Variants in TBC1D16 observed in about 807,000 individuals in gnomAD.
TBC1D16 encodes TBC1 domain family member 16, also known as CTD-2529O21.1.
TBC1D16 carries 58 observed loss-of-function variants against 74.7 expected under a neutral mutation model. The ratio of observed to expected loss-of-function variants is 0.78; its 90% CI spans 0.63 to 0.97. TBC1D16 has a LOEUF of 0.97. Among genes scored for constraint, TBC1D16 ranks in the 50% least tolerant of loss-of-function variants. TBC1D16 has a pLI of 0.00. For missense variants in TBC1D16, 1,014 were observed against 1,079.5 expected (o/e 0.94, Z 0.85); for synonymous variants, 493 against 474.7 (o/e 1.04, Z -0.50).
At position 80,035,780 on chromosome 17, in the gene TBC1D16, G is replaced by C. The variant is rs2036983890; in HGVS notation, c.-63+15C>G. On this transcript the variant is annotated intron_variant, in intron 1 of 11. Coordinates refer to ENST00000310924, the MANE Select transcript of TBC1D16 (RefSeq NM_019020.4). This position sits in a 1 kb window ranked among gnomAD's most constrained non-coding sequence, Gnocchi z 5.3. ...GACCCCGCCCCCGCGGCCCCGTCCG[G>C]GCCCCGATACCCACCCGGGTCCCGC... is the stretch of plus-strand genomic sequence containing the variant. The C allele has an allele frequency of 1.4e-5, 2 of 146,562 alleles. No individual in the cohort carries two copies. Among genetic ancestry groups the C allele is most frequent in the Non-Finnish European group, 3.0e-5 (2 of 65,820 alleles). The allele number at this position is 146,562 out of a possible 1,614,324, so 9.1% of individuals were successfully genotyped here.
At chr17:79,953,771 CTTTTTTT>C (rs1193505262) in intron 3 of TBC1D16, among the ~76,000 whole-genome samples, 1 of 149,450 alleles carries the variant, frequency 6.7e-6, no homozygotes, top group Non-Finnish European at 1.5e-5. Context: ...TTTCTTTTTT[CTTTTTTT>C]TTTCTTTTTT....
Position 79,941,172 on chromosome 17 carries a change from G to C in TBC1D16, c.2056-65C>G. ...CAGCCTGGCAGCCTAGGGTCCCCAT[G>C]GGAGTGGCCAAAGACAGCAACAGCA... On this transcript the variant is annotated intron_variant, in intron 11 of 11. Transcript: ENST00000310924. The surrounding 1 kb of genome is among the most constrained non-coding windows in gnomAD (Gnocchi z 4.3). The C allele has an allele frequency of 6.8e-7, 1 of 1,469,736 alleles. No homozygotes were observed. Among genetic ancestry groups the C allele is most frequent in the Non-Finnish European group, 9.1e-7 (1 of 1,093,464 alleles). 91.0% of individuals were successfully genotyped at this position (1,469,736 alleles called of 1,614,324 possible).
In TBC1D16 at chr17:80,018,343, GCA is replaced by G. The variant is rs1189911573; in HGVS notation, c.-62-4736_-62-4735del. On this transcript the variant is annotated intron_variant, in intron 1 of 11. Coordinates refer to ENST00000310924, the MANE Select transcript of TBC1D16 (RefSeq NM_019020.4). The stretch of plus-strand genomic sequence containing the variant: ...GTAGCCCAGGCTGGAGTGCAACGGT[GCA>G]ATCTCGGCTCACTGCAAGCTCCGCC... Among the ~76,000 whole-genome samples the G allele has an allele frequency of 3.0e-4, 45 of 149,096 alleles. 5 individuals carry two copies. The highest frequency in any genetic ancestry group is 1.0e-3 in the African/African-American group (39 of 38,800).
chr17:79,950,318 C>T lies in TBC1D16; in HGVS notation c.1257+93G>A, dbSNP rs2032942979. On this transcript the variant is annotated intron_variant, in intron 6 of 11. Transcript: ENST00000310924. This position sits in a 1 kb window ranked among gnomAD's most constrained non-coding sequence, Gnocchi z 4.6. Reference sequence around the variant, plus strand: ...CGAGGAGGTGGCCCGTGGGTGCGGGCGGGCGGCCAGGCCCCGGCCCTCCTT... The same window carrying T: ...CGAGGAGGTGGCCCGTGGGTGCGGGTGGGCGGCCAGGCCCCGGCCCTCCTT... The T allele has an allele frequency of 5.7e-6, 8 of 1,413,436 alleles. No homozygotes were observed. Among genetic ancestry groups the T allele is most frequent in the Non-Finnish European group, 7.5e-6 (8 of 1,072,988 alleles). The allele number at this position is 1,413,436 out of a possible 1,614,324, so 87.6% of individuals were successfully genotyped here. A position where few individuals can be genotyped will look rare whatever the true frequency, so the allele number is the denominator to read the frequency against.
Position 79,944,957 on chromosome 17 carries a change from G to C in TBC1D16, c.1859C>G (p.Pro620Arg), listed in dbSNP as rs915393141. ...WLLLCFKREF[P>R]EAEALRIWEA... ...CCAGATCCGCAGCGCTTCGGCCTCG[G>C]GGAACTCCCGCTTGAAGCACAGAAG... is the stretch of plus-strand genomic sequence containing the variant. Residue 620 changes from proline to arginine, a missense_variant, in exon 10 of 12, where the codon CCC becomes CGC. Pro to Arg is a moderately radical substitution (Grantham distance 103). Coordinates refer to ENST00000310924, the MANE Select transcript of TBC1D16 (RefSeq NM_019020.4). This position sits in a 1 kb window ranked among gnomAD's most constrained non-coding sequence, Gnocchi z 7.7. 1.9e-6 allele frequency: 3 copies of C among 1,556,554 alleles called. No homozygotes were observed. Among genetic ancestry groups the C allele is most frequent in the African/African-American group, 2.7e-5 (2 of 73,674 alleles).
intron 3 of TBC1D16, among the ~76,000 whole-genome samples, chr17:79,968,901 A>ATAGTTGC (rs2033958014): frequency 6.6e-6 from 1 of 151,924 alleles, no homozygotes. Flanking sequence ...TGGGAGGAAA[A>ATAGTTGC]TAGTTGCAAA....
rs866470089 is a variant in TBC1D16, at chr17:80,023,664, C to T, written c.-62-10055G>A. Among the ~76,000 whole-genome samples, 172 of 141,222 alleles carry T rather than the reference C, an allele frequency of 1.2e-3. 20 individuals carry two copies. Among genetic ancestry groups the T allele is most frequent in the African/African-American group, 4.0e-3 (143 of 35,504 alleles). The allele number at this position is 141,222 out of a possible 152,430, so 92.6% of individuals were successfully genotyped here. A position where few individuals can be genotyped will look rare whatever the true frequency, so the allele number is the denominator to read the frequency against. The stretch of plus-strand genomic sequence containing the variant: ...AGCGAGAACTGCTGCCGGGCCCCCC[C>T]CCACCGGCTCAGGGCGTGGCTGGGG... On this transcript the variant is annotated intron_variant, in intron 1 of 11. Transcript: ENST00000310924.
At chr17:80,031,677 A>G (rs1186957715) in intron 1 of TBC1D16, among the ~76,000 whole-genome samples, 2 of 152,144 alleles carry the variant, frequency 1.3e-5, no homozygotes, top group Non-Finnish European at 2.9e-5. Flanking sequence ...GTAAAATCCC[A>G]TTTCCCCCGC....
At chr17:79,966,324 G>A (rs1446856898) in intron 3 of TBC1D16, among the ~76,000 whole-genome samples, 5 of 152,232 alleles carry the variant, frequency 3.3e-5, no homozygotes, top group Middle Eastern at 3.4e-3. Context: ...AAGTAAGATT[G>A]CAATCTGAGG....
chr17:79,969,941 C>CAAAGAAAAGA (rs552490205), intron 3 of TBC1D16, among the ~76,000 whole-genome samples: 14 of 152,022 alleles, frequency 9.2e-5, no homozygotes, highest in South Asian at 6.2e-4. Flanking sequence ...GACTCCATCT[C>CAAAGAAAAGA]AAAGAAAAGA....
intron 3 of TBC1D16, among the ~76,000 whole-genome samples, chr17:79,960,699 G>C (rs561548204): frequency 1.3e-4 from 18 of 142,426 alleles, no homozygotes; most frequent in Non-Finnish European, 2.4e-4. Context: ...AGGTTGCAGT[G>C]AGCCAACATC....
chr17:79,976,085 G>GCCTTACTAA (rs1167869311), intron 3 of TBC1D16, among the ~76,000 whole-genome samples: 1 of 152,218 alleles, frequency 6.6e-6, no homozygotes, highest in Non-Finnish European at 1.5e-5. Flanking sequence ...TGTGACCTCG[G>GCCTTACTAA]CCTTACTAAC....
At position 79,942,830 on chromosome 17, in the gene TBC1D16, C is replaced by T. The variant is rs570153213; in HGVS notation, c.1909-624G>A. The stretch of plus-strand genomic sequence containing the variant: ...AGGGTGGCTGAAATGATCGCCCTGT[C>T]CTTGAGCCTCTTTTCGGGCATACTT... On this transcript the variant is annotated intron_variant, in intron 10 of 11. Coordinates refer to ENST00000310924, the MANE Select transcript of TBC1D16 (RefSeq NM_019020.4). 2.3e-4 allele frequency among the ~76,000 whole-genome samples: 35 copies of T among 152,334 alleles called. No homozygotes were observed. The South Asian group carries it at 7.3e-3, about 32-fold the overall frequency.
intron 4 of TBC1D16, chr17:79,951,998 G>A (rs1005624286): frequency 6.0e-4 from 97 of 161,874 alleles, no homozygotes; most frequent in Middle Eastern, 3.0e-3. Flanking sequence ...CCTTCGTTGC[G>A]TGTGGGTGGA....
chr17:79,941,478 C>T lies in TBC1D16; in HGVS notation c.2056-371G>A, dbSNP rs2031978152. The stretch of plus-strand genomic sequence containing the variant: ...GCAGCACCCCTCTCTTCTTCCCCCG[C>T]ACCTTGCTCCACCCCCCACCCCCAG... On this transcript the variant is annotated intron_variant, in intron 11 of 11. Coordinates refer to ENST00000310924, the MANE Select transcript of TBC1D16 (RefSeq NM_019020.4). This position sits in a 1 kb window ranked among gnomAD's most constrained non-coding sequence, Gnocchi z 4.3. Among the ~76,000 whole-genome samples, 1 of 152,152 alleles carries T rather than the reference C, an allele frequency of 6.6e-6. No individual in the cohort carries two copies. The highest frequency in any genetic ancestry group is 1.5e-5 in the Non-Finnish European group (1 of 68,016).
Position 79,981,648 on chromosome 17 carries a change from C to T in TBC1D16, c.779+28512G>A, listed in dbSNP as rs2034586387. On this transcript the variant is annotated intron_variant, in intron 3 of 11. Coordinates refer to ENST00000310924, the MANE Select transcript of TBC1D16 (RefSeq NM_019020.4). The surrounding 1 kb of genome is among the most constrained non-coding windows in gnomAD (Gnocchi z 6.9). Reference sequence around the variant, plus strand: ...CGTTTTCCAAAGCGGGGAGGCCAAACCTCCAAAGCTGGGAGGGCTACAGTC... The same window carrying T: ...CGTTTTCCAAAGCGGGGAGGCCAAATCTCCAAAGCTGGGAGGGCTACAGTC... Among the ~76,000 whole-genome samples the T allele has an allele frequency of 6.6e-6, 1 of 152,280 alleles. No individual in the cohort carries two copies. The highest frequency in any genetic ancestry group is 1.5e-5 in the Non-Finnish European group (1 of 68,048).
intron 10 of TBC1D16, 141 bp from the exon 11 acceptor site, chr17:79,942,347 G>A (rs2032097391): frequency 4.4e-6 from 4 of 906,778 alleles, no homozygotes; most frequent in South Asian, 3.5e-5. Context: ...GGGCCGTGTG[G>A]CCCTGGGCAA....
rs1389962193 is a variant in TBC1D16, at chr17:79,950,368, G to C, written c.1257+43C>G. 22 of 1,544,692 alleles carry C rather than the reference G, an allele frequency of 1.4e-5. No homozygotes were observed. The highest frequency in any genetic ancestry group is 1.8e-5 in the Non-Finnish European group (21 of 1,147,914). ...TCCCTCTCGCTCGTTCCCGGTTCCC[G>C]GCCGGCTCTCCGCGGGGCCAGCTGG... is the stretch of plus-strand genomic sequence containing the variant. On this transcript the variant is annotated intron_variant, in intron 6 of 11. Transcript: ENST00000310924. This position sits in a 1 kb window ranked among gnomAD's most constrained non-coding sequence, Gnocchi z 4.6.
In TBC1D16 at chr17:80,009,936, C is replaced by T. The variant is rs372014432; in HGVS notation, c.779+224G>A. Among the ~76,000 whole-genome samples the T allele has an allele frequency of 1.3e-5, 2 of 152,290 alleles. No homozygotes were observed. The highest frequency in any genetic ancestry group is 2.1e-4 in the South Asian group (1 of 4,826). The stretch of plus-strand genomic sequence containing the variant: ...AGAGAGAAGAATGTGGACACCCCGA[C>T]GCACCCTTCACAGTCCTCTCAGTGG... On this transcript the variant is annotated intron_variant, in intron 3 of 11. Coordinates refer to ENST00000310924, the MANE Select transcript of TBC1D16 (RefSeq NM_019020.4). The surrounding 1 kb of genome is among the most constrained non-coding windows in gnomAD (Gnocchi z 5.4).
Sources: allele counts gnomAD v4.1 joint callset (sites outside exome capture counted in the v4.1 genomes callset), GRCh38; gene constraint gnomAD v4.1.1; non-coding constraint Gnocchi (gnomAD v3.1); transcripts MANE v1.5; gene names NCBI Gene and HGNC (gene_info 2026-07-23, HGNC 2026-07-21).